The following ST8SIA4 variants were observed in gnomAD, a reference collection of about 807,000 sequenced individuals.
ST8SIA4 encodes ST8 alpha-N-acetyl-neuraminide alpha-2,8-sialyltransferase 4, also known as CMP-N-acetylneuraminate-poly-alpha-2,8-sialyltransferase.
ST8SIA4 carries 15 observed loss-of-function variants against 33.9 expected under a neutral mutation model. The ratio of observed to expected loss-of-function variants is 0.44; its 90% CI spans 0.30 to 0.68. ST8SIA4 has a LOEUF of 0.68. ST8SIA4 is among the 30% of genes least tolerant of loss of function. The pLI is 0.10. For synonymous variants in ST8SIA4, 171 were observed against 151.2 expected, an observed-to-expected ratio of 1.13 and a Z score of -0.96; for missense variants, 321 against 428.0, an observed-to-expected ratio of 0.75 and a Z score of 2.21.
At chr5:100,826,863 T>C (rs1296922127) in intron 4 of ST8SIA4, among the ~76,000 whole-genome samples, 1 of 151,760 alleles carries the variant, frequency 6.6e-6, no homozygotes, top group East Asian at 1.9e-4. Context: ...AACAATTATA[T>C]ATAATACATT....
rs111251352 is a variant in ST8SIA4 at position 100,870,994 on chromosome 5, G to A, written c.504-14598C>T. 8.0e-3 allele frequency among the ~76,000 whole-genome samples: 1,217 copies of A among 152,084 alleles called. 17 individuals are homozygous for A. Among genetic ancestry groups the A allele is most frequent in the African/African-American group, 0.027 (1,131 of 41,520 alleles). On this transcript the variant is annotated intron_variant, in intron 3 of 4. Transcript: ENST00000231461. ...ATTCCTAAACTATAAGTGGTTATTCGTTTTAGTAGTAATTTTAAAAACATC... is the reference window on the plus strand; with the variant it reads ...ATTCCTAAACTATAAGTGGTTATTCATTTTAGTAGTAATTTTAAAAACATC...
intron 4 of ST8SIA4, among the ~76,000 whole-genome samples, chr5:100,842,579 G>A (rs1203469246): frequency 6.6e-6 from 1 of 151,734 alleles, no homozygotes; most frequent in Non-Finnish European, 1.5e-5. Flanking sequence ...TATAATGACT[G>A]TACAATTCTT....
In ST8SIA4 at chr5:100,886,555, C is replaced by T. The variant is rs1353169143; in HGVS notation, c.291G>A (p.Val97=). The change falls in exon 3 of 5, where the codon GTG becomes GTA. Residue 97 remains valine, a synonymous_variant. Coordinates refer to ENST00000231461, the MANE Select transcript of ST8SIA4 (RefSeq NM_005668.6). The part of the protein sequence containing the change: ...RFLDAERDVS[V]VKSSFKPGDV... Reference sequence around the variant, plus strand: ...CACCAGGCTTAAAACTGCTCTTGACCACTGACACATCTCGTTCTGCATCTA... The same window carrying T: ...CACCAGGCTTAAAACTGCTCTTGACTACTGACACATCTCGTTCTGCATCTA... The T allele has an allele frequency of 6.2e-7, 1 of 1,613,840 alleles. No individual in the cohort carries two copies. The highest frequency in any genetic ancestry group is 8.5e-7 in the Non-Finnish European group (1 of 1,179,768).
In ST8SIA4 at chr5:100,902,971, A is replaced by G. The variant is rs1428465723; in HGVS notation, c.-16T>C. On this transcript the variant is annotated 5_prime_UTR_variant, in exon 1 of 5. Transcript: ENST00000231461. ...TGGAGCGCATCTTGGGTGCCCGAGA[A>G]AGTCCTGGTTGCCCCAGCTCCCGCA... The G allele has an allele frequency of 1.2e-6, 2 of 1,601,494 alleles. No homozygotes were observed. Among genetic ancestry groups the G allele is most frequent in the Admixed American group, 3.3e-5 (2 of 60,000 alleles).
intron 4 of ST8SIA4, among the ~76,000 whole-genome samples, chr5:100,830,219 A>G (rs1420316349): frequency 6.6e-6 from 1 of 152,348 alleles, no homozygotes; most frequent in Middle Eastern, 3.4e-3. Context: ...TCTGTGCAAT[A>G]ATTATGGGTG....
chr5:100,809,958 A>AACACACAC lies in ST8SIA4; in HGVS notation c.*1881_*1888dup, dbSNP rs35914490. 149 of 150,488 alleles carry AACACACAC rather than the reference A, an allele frequency of 9.9e-4. No individual in the cohort carries two copies. The highest frequency in any genetic ancestry group is 3.2e-3 in the African/African-American group (132 of 41,090). 9.3% of individuals were successfully genotyped at this position (150,488 alleles called of 1,614,324 possible). ...TACTGTGAATATCCTTTTCCATGGT[A>AACACACAC]ACACACACACACACACACGTACTTC... On this transcript the variant is annotated 3_prime_UTR_variant, in exon 5 of 5. Transcript: ENST00000231461.
intron 3 of ST8SIA4, among the ~76,000 whole-genome samples, chr5:100,864,188 C>T (rs1008118704): frequency 6.6e-6 from 1 of 152,196 alleles, no homozygotes; most frequent in African/African-American, 2.4e-5. Flanking sequence ...GAAATTCTAA[C>T]AGCATCTGGT....
chr5:100,870,380 T>C (rs1752172953), intron 3 of ST8SIA4, among the ~76,000 whole-genome samples: 1 of 152,164 alleles, frequency 6.6e-6, no homozygotes, highest in African/African-American at 2.4e-5. Context: ...TGAATAATCA[T>C]TCAGATGTAC....
At chr5:100,856,523 C>A in intron 3 of ST8SIA4, 127 bp from the exon 4 acceptor site, 1 of 859,698 alleles carries the variant, frequency 1.2e-6, no homozygotes. Context: ...ACCAAAAGAT[C>A]ATCTACTTGG....
At chr5:100,860,478 T>C (rs976025821) in intron 3 of ST8SIA4, among the ~76,000 whole-genome samples, 16 of 152,220 alleles carry the variant, frequency 1.1e-4, no homozygotes, top group African/African-American at 3.9e-4. Context: ...TCTTAGACTT[T>C]CTGATTACTT....
chr5:100,808,337 C>T lies in ST8SIA4; in HGVS notation c.*3510G>A, dbSNP rs1045228256. 3 of 152,634 alleles carry T rather than the reference C, an allele frequency of 2.0e-5. No individual in the cohort carries two copies. Among genetic ancestry groups the T allele is most frequent in the African/African-American group, 4.8e-5 (2 of 41,446 alleles). The allele number at this position is 152,634 out of a possible 1,614,324, so 9.5% of individuals were successfully genotyped here. A position where few individuals can be genotyped will look rare whatever the true frequency, so the allele number is the denominator to read the frequency against. On this transcript the variant is annotated 3_prime_UTR_variant, in exon 5 of 5. Transcript: ENST00000231461. ...TACATGAACACATTTGAATGCCCAG[C>T]ACCTTCTTTCAGATAGAAAAACTTC...
chr5:100,847,822 T>A (rs1751600169), intron 4 of ST8SIA4, among the ~76,000 whole-genome samples: 1 of 152,092 alleles, frequency 6.6e-6, no homozygotes. Flanking sequence ...TTGATCATTG[T>A]GGTGTAAAGT....
At chr5:100,900,519 C>A (rs1752884784) in intron 1 of ST8SIA4, 2 of 456,184 alleles carry the variant, frequency 4.4e-6, no homozygotes, top group Admixed American at 4.7e-5. Context: ...TTCCACGAAC[C>A]TTTCATCCTG....
chr5:100,875,856 T>C (rs150313847), intron 3 of ST8SIA4, among the ~76,000 whole-genome samples: 243 of 152,276 alleles, frequency 1.6e-3, no homozygotes, highest in African/African-American at 5.7e-3. Flanking sequence ...TGGACTCTTG[T>C]TGAGACAAAT....
intron 4 of ST8SIA4, among the ~76,000 whole-genome samples, chr5:100,834,167 T>C (rs1321927752): frequency 6.6e-6 from 1 of 152,174 alleles, no homozygotes; most frequent in Non-Finnish European, 1.5e-5. Context: ...GGATATGTAC[T>C]ACTGAGGTCC....
intron 3 of ST8SIA4, among the ~76,000 whole-genome samples, chr5:100,873,630 C>A (rs1380483847): frequency 6.6e-6 from 1 of 152,026 alleles, no homozygotes; most frequent in Non-Finnish European, 1.5e-5. Context: ...CAAGGGGAAA[C>A]AAGGTTTCTT....
chr5:100,841,890 C>T (rs1751478468), intron 4 of ST8SIA4, among the ~76,000 whole-genome samples: 1 of 151,864 alleles, frequency 6.6e-6, no homozygotes, highest in African/African-American at 2.4e-5. Context: ...CATTCCAAAA[C>T]TACCTTGTCA....
intron 3 of ST8SIA4, among the ~76,000 whole-genome samples, chr5:100,877,713 G>A (rs1752336139): frequency 1.3e-5 from 2 of 152,128 alleles, no homozygotes; most frequent in African/African-American, 2.4e-5. Context: ...ATAATCCAAA[G>A]TCTATTGGTT....
intron 4 of ST8SIA4, among the ~76,000 whole-genome samples, chr5:100,813,410 A>AT (rs1402502290): frequency 2.0e-4 from 30 of 152,130 alleles, no homozygotes; most frequent in African/African-American, 7.0e-4. Context: ...AGTGAAGGCC[A>AT]TGGGCTAAAT....
Sources: gnomAD v4.1 joint callset for allele counts (sites outside exome capture counted in the v4.1 genomes callset) on GRCh38, gnomAD v4.1.1 for gene constraint, MANE v1.5 for transcripts, NCBI Gene and HGNC (gene_info 2026-07-23, HGNC 2026-07-21) for gene names.